The following SGCE variants were observed in gnomAD, a reference collection of about 807,000 sequenced individuals.
SGCE encodes epsilon-sarcoglycan.
A neutral mutation model predicts 57.8 loss-of-function variants in SGCE; 26 were observed. The observed-to-expected ratio is 0.45, with a 90% CI of 0.33 to 0.62. The LOEUF is 0.62. Ranked by LOEUF, SGCE falls within the 20% of genes least tolerant of loss-of-function variation. SGCE has a pLI of 0.02. For synonymous variants in SGCE, 183 were observed against 189.5 expected, an observed-to-expected ratio of 0.97 and a Z score of 0.28; for missense variants, 468 against 548.6, an observed-to-expected ratio of 0.85 and a Z score of 1.47.
chr7:94,654,668 C>T (rs148427362), intron 1 of SGCE, among the ~76,000 whole-genome samples: 227 of 152,286 alleles, frequency 1.5e-3, no homozygotes, highest in African/African-American at 5.3e-3. Context: ...AAATGGGCTA[C>T]AGTTTTGTTT....
intron 1 of SGCE, among the ~76,000 whole-genome samples, chr7:94,643,748 A>C (rs769886148): frequency 6.6e-6 from 1 of 152,230 alleles, no homozygotes; most frequent in Non-Finnish European, 1.5e-5. Context: ...ATAGAAAAGT[A>C]TTGTATTCTG....
chr7:94,619,143 C>T, intron 4 of SGCE, 187 bp from the exon 5 acceptor site: 1 of 595,066 alleles, frequency 1.7e-6, no homozygotes, highest in Non-Finnish European at 3.0e-6. Flanking sequence ...ACATTAGAAA[C>T]AGAACTTTAT....
chr7:94,621,620 A>G (rs1360804241), intron 4 of SGCE: 5 of 152,216 alleles, frequency 3.3e-5, no homozygotes, highest in Admixed American at 3.3e-4. Context: ...CACCTGACAG[A>G]GTTTCGAGTC....
intron 8 of SGCE, chr7:94,599,344 G>T (rs1693402011): frequency 1.0e-5 from 3 of 295,762 alleles, no homozygotes; most frequent in Non-Finnish European, 1.9e-5. Context: ...TCATTTTATG[G>T]TAGGTTATTA....
intron 9 of SGCE, among the ~76,000 whole-genome samples, chr7:94,593,469 G>A (rs1406169300): frequency 6.6e-6 from 1 of 151,932 alleles, no homozygotes; most frequent in East Asian, 1.9e-4. Flanking sequence ...TTCCCCAAAA[G>A]ACAGCATACC....
At chr7:94,587,729 G>A (rs1395794769) in intron 10 of SGCE, 1 of 1,535,622 alleles carries the variant, frequency 6.5e-7, no homozygotes, top group African/African-American at 1.4e-5. Flanking sequence ...GAAAAATTCT[G>A]ATAAACATCT....
At chr7:94,646,358 T>A (rs1447195191) in intron 1 of SGCE, among the ~76,000 whole-genome samples, 1 of 152,194 alleles carries the variant, frequency 6.6e-6, no homozygotes, top group Non-Finnish European at 1.5e-5. Flanking sequence ...GACAGAATAG[T>A]TAATGGAGAA....
chr7:94,593,474 C>T (rs189684447), intron 9 of SGCE, among the ~76,000 whole-genome samples: 100 of 152,022 alleles, frequency 6.6e-4, no homozygotes, highest in Admixed American at 3.5e-3. Context: ...CAAAAGACAG[C>T]ATACCTCACT....
chr7:94,652,935 T>A (rs992567405), intron 1 of SGCE, among the ~76,000 whole-genome samples: 1 of 152,192 alleles, frequency 6.6e-6, no homozygotes, highest in Non-Finnish European at 1.5e-5. Flanking sequence ...ATTTGACAAC[T>A]GAAAATTTTA....
At chr7:94,644,898 T>C (rs951407872) in intron 1 of SGCE, among the ~76,000 whole-genome samples, 1 of 152,204 alleles carries the variant, frequency 6.6e-6, no homozygotes, top group Non-Finnish European at 1.5e-5. Flanking sequence ...AGTTGGCCAT[T>C]ACTTTTCTTT....
chr7:94,629,781 A>AGGACACCTG lies in SGCE; in HGVS notation c.161_169dup (p.Val56_Leu57insProGlyVal), dbSNP rs773475595. On this transcript the variant is annotated inframe_insertion, in exon 2 of 11. Coordinates refer to ENST00000648936, the MANE Select transcript of SGCE (RefSeq NM_003919.3). Reference sequence around the variant, plus strand: ...TTCTCTTTCCAAAACATGAACAAAGAGGACACCTGCTGATGGGTATACATT... The same window carrying AGGACACCTG: ...TTCTCTTTCCAAAACATGAACAAAGAGGACACCTGGGACACCTGCTGATGGGTATACATT... The AGGACACCTG allele has an allele frequency of 1.2e-6, 2 of 1,611,304 alleles. No individual in the cohort carries two copies. Among genetic ancestry groups the AGGACACCTG allele is most frequent in the South Asian group, 2.2e-5 (2 of 91,026 alleles).
intron 5 of SGCE, among the ~76,000 whole-genome samples, chr7:94,605,971 G>A (rs1428071217): frequency 6.6e-6 from 1 of 152,096 alleles, no homozygotes; most frequent in Admixed American, 6.6e-5. Flanking sequence ...TGAGACTACA[G>A]GTGCCCGCCA....
At chr7:94,655,898 G>A in intron 1 of SGCE, 92 bp downstream of exon 1, 3 of 765,744 alleles carry the variant, frequency 3.9e-6, no homozygotes, top group Non-Finnish European at 2.3e-6. Context: ...GGTGCCCAAA[G>A]GGCGCGCTCA....
At chr7:94,640,134 T>C (rs960060852) in intron 1 of SGCE, among the ~76,000 whole-genome samples, 25 of 152,120 alleles carry the variant, frequency 1.6e-4, no homozygotes, top group African/African-American at 5.8e-4. Context: ...AGAATAGCAA[T>C]ACTTTAGGAA....
At chr7:94,655,657 T>G (rs541757924) in intron 1 of SGCE, among the ~76,000 whole-genome samples, 1 of 151,666 alleles carries the variant, frequency 6.6e-6, no homozygotes, top group African/African-American at 2.4e-5. Flanking sequence ...AGCTCTTTGC[T>G]ACAGGGATCG....
intron 5 of SGCE, among the ~76,000 whole-genome samples, chr7:94,611,116 A>G (rs920482750): frequency 3.3e-5 from 5 of 152,230 alleles, no homozygotes; most frequent in Non-Finnish European, 4.4e-5. Flanking sequence ...ATACAGAGTT[A>G]CCATATGACC....
At chr7:94,629,900 T>G (rs1562868363) in intron 1 of SGCE, 59 bp from the exon 2 acceptor site, 5 of 1,596,076 alleles carry the variant, frequency 3.1e-6, no homozygotes, top group East Asian at 2.2e-5. Flanking sequence ...ACGCCCTTGA[T>G]AATTCAGCTT....
At chr7:94,613,529 G>T (rs1346168841) in intron 5 of SGCE, among the ~76,000 whole-genome samples, 1 of 152,138 alleles carries the variant, frequency 6.6e-6, no homozygotes, top group African/African-American at 2.4e-5. Flanking sequence ...AGACTGGAGT[G>T]CACTAGATAG....
chr7:94,587,993 A>G, intron 10 of SGCE: 1 of 1,410,038 alleles, frequency 7.1e-7, no homozygotes, highest in Non-Finnish European at 9.2e-7. Flanking sequence ...TGCTTTTCCA[A>G]AAGAGCTACA....
Sources: gnomAD v4.1 joint callset for allele counts (sites outside exome capture counted in the v4.1 genomes callset) on GRCh38, gnomAD v4.1.1 for gene constraint, MANE v1.5 for transcripts, NCBI Gene and HGNC (gene_info 2026-07-23, HGNC 2026-07-21) for gene names.